PTPRN2: variants seen among roughly 807,000 people sequenced by gnomAD.
PTPRN2 encodes the protein protein tyrosine phosphatase receptor type N2.
A neutral mutation model predicts 118.8 loss-of-function variants in PTPRN2; 74 were observed. The observed-to-expected ratio is 0.62, with a 90% CI of 0.52 to 0.76. PTPRN2 has a LOEUF of 0.76. Ranked by LOEUF, PTPRN2 falls within the 30% of genes least tolerant of loss-of-function variation. The probability of loss-of-function intolerance (pLI) is 0.00; values close to 1 mark genes in which losing one functional copy is unlikely to be tolerated. For synonymous variants in PTPRN2, 641 were observed against 608.0 expected, an observed-to-expected ratio of 1.05 and a Z score of -0.80; for missense variants, 1,481 against 1,394.4, an observed-to-expected ratio of 1.06 and a Z score of -0.99.
intron 11 of PTPRN2, among the ~76,000 whole-genome samples, chr7:158,005,639 G>A (rs2128864039): frequency 1.3e-5 from 2 of 152,326 alleles, no homozygotes; most frequent in South Asian, 4.1e-4. Flanking sequence ...GGTGCAGGGG[G>A]AGGTGCAGGG....
chr7:157,594,569 G>T (rs1485999283), intron 17 of PTPRN2, among the ~76,000 whole-genome samples: 1 of 152,246 alleles, frequency 6.6e-6, no homozygotes. Flanking sequence ...CCAGGCTCGG[G>T]GTTGGCTGGT....
chr7:158,372,516 G>A (rs562265702), intron 2 of PTPRN2, among the ~76,000 whole-genome samples: 5 of 145,692 alleles, frequency 3.4e-5, no homozygotes, highest in East Asian at 2.1e-4. Flanking sequence ...GCTGGTACCC[G>A]GAGCTGGTCC....
intron 11 of PTPRN2, among the ~76,000 whole-genome samples, chr7:157,968,118 G>C (rs371029497): frequency 6.6e-6 from 1 of 152,150 alleles, no homozygotes; most frequent in African/African-American, 2.4e-5. Flanking sequence ...CACTACTCCA[G>C]GATCATTTGT....
chr7:158,299,957 G>A (rs1421837748), intron 3 of PTPRN2, among the ~76,000 whole-genome samples: 1 of 152,152 alleles, frequency 6.6e-6, no homozygotes, highest in African/African-American at 2.4e-5. Context: ...GCCTTTTCCG[G>A]TTAACACCAC....
At chr7:157,836,611 G>GACACACACACAC (rs57654943) in intron 12 of PTPRN2, among the ~76,000 whole-genome samples, 9 of 150,380 alleles carry the variant, frequency 6.0e-5, no homozygotes, top group African/African-American at 2.2e-4. Flanking sequence ...GCAAAATAAA[G>GACACACACACAC]ACACACACAC....
rs761682181 is a variant in PTPRN2 at position 157,787,736 on chromosome 7, C to A, written c.1789-104799G>T. 4.6e-5 allele frequency among the ~76,000 whole-genome samples: 7 copies of A among 152,308 alleles called. No individual in the cohort carries two copies. The highest frequency in any genetic ancestry group is 1.0e-4 in the Non-Finnish European group (7 of 68,016). Reference sequence around the variant, plus strand: ...CCATCTGGGTCCCCTGGGGTGGTGGCTGGGTGAGCCCAGCCCCATCTTTCC... The same window carrying A: ...CCATCTGGGTCCCCTGGGGTGGTGGATGGGTGAGCCCAGCCCCATCTTTCC... On this transcript the variant is annotated intron_variant, in intron 12 of 22. Coordinates refer to ENST00000389418, the MANE Select transcript of PTPRN2 (RefSeq NM_002847.5). This position sits in a 1 kb window ranked among gnomAD's most constrained non-coding sequence, Gnocchi z 5.3.
At chr7:158,079,893 C>T (rs1429682371) in intron 11 of PTPRN2, among the ~76,000 whole-genome samples, 2 of 152,218 alleles carry the variant, frequency 1.3e-5, no homozygotes, top group Admixed American at 1.3e-4. Context: ...CGAGTTGTAC[C>T]CCAGCTCCAC....
Position 158,071,423 on chromosome 7 carries a change from G to T in PTPRN2, c.1723+9875C>A, listed in dbSNP as rs1482521386. Among the ~76,000 whole-genome samples, 39 of 114,626 alleles carry T rather than the reference G, an allele frequency of 3.4e-4. 2 individuals carry two copies. Among genetic ancestry groups the T allele is most frequent in the Non-Finnish European group, 3.9e-4 (21 of 53,652 alleles). 75.2% of individuals were successfully genotyped at this position (114,626 alleles called of 152,430 possible). On this transcript the variant is annotated intron_variant, in intron 11 of 22. Transcript: ENST00000389418. ...TCGTGGTGGAGTTGCTCCTGGTGGT[G>T]GAGGTGCTCGTGGTGGTGGAGGTGC... is the stretch of plus-strand genomic sequence containing the variant.
chr7:157,837,801 T>G (rs1808076403), intron 12 of PTPRN2, among the ~76,000 whole-genome samples: 1 of 152,210 alleles, frequency 6.6e-6, no homozygotes, highest in Non-Finnish European at 1.5e-5. Flanking sequence ...TTGCACCTGT[T>G]AGACACGGAG....
At chr7:158,239,384 G>T (rs949484672) in intron 3 of PTPRN2, among the ~76,000 whole-genome samples, 5 of 152,184 alleles carry the variant, frequency 3.3e-5, no homozygotes, top group Admixed American at 6.5e-5. Context: ...CCCGGAGCTT[G>T]TTCTTTCCTG....
intron 11 of PTPRN2, among the ~76,000 whole-genome samples, chr7:158,058,752 A>C (rs374269386): frequency 1.1e-5 from 1 of 90,596 alleles, no homozygotes; most frequent in African/African-American, 5.7e-5. Context: ...CTACAGCCAC[A>C]CTCCATCTGC....
At position 158,418,100 on chromosome 7, in the gene PTPRN2, C is replaced by A. The variant is rs543419984; in HGVS notation, c.163+71635G>T. Among the ~76,000 whole-genome samples the A allele has an allele frequency of 1.7e-3, 253 of 148,718 alleles. 1 individual carries two copies. The highest frequency in any genetic ancestry group is 6.0e-3 in the African/African-American group (241 of 39,904). ...CTTTCAGTGTCCCACTGTGTTAAGT[C>A]ACGGTGTACTACATCGAGATGCTCC... On this transcript the variant is annotated intron_variant, in intron 2 of 22. Transcript: ENST00000389418.
intron 12 of PTPRN2, among the ~76,000 whole-genome samples, chr7:157,889,224 G>GTA (rs2151302624): frequency 6.6e-6 from 1 of 152,054 alleles, no homozygotes; most frequent in East Asian, 1.9e-4. Context: ...ATGAAGGTCA[G>GTA]ACCCGCCTGG....
chr7:158,344,238 A>C (rs775245505), intron 2 of PTPRN2, among the ~76,000 whole-genome samples: 14 of 152,152 alleles, frequency 9.2e-5, no homozygotes, highest in Admixed American at 4.6e-4. Flanking sequence ...CACAGGCCCC[A>C]AGAAGCCACC....
intron 4 of PTPRN2, among the ~76,000 whole-genome samples, chr7:158,194,561 A>G (rs2150713941): frequency 6.6e-6 from 1 of 152,330 alleles, no homozygotes; most frequent in Non-Finnish European, 1.5e-5. Flanking sequence ...CCCCGGCGTC[A>G]TGCCCCACTG....
intron 14 of PTPRN2, among the ~76,000 whole-genome samples, chr7:157,639,361 C>T (rs1249919362): frequency 6.6e-6 from 1 of 152,162 alleles, no homozygotes; most frequent in African/African-American, 2.4e-5. Flanking sequence ...GGAGAACACA[C>T]AGTTGGTTCT....
At chr7:157,839,731 T>G (rs1403939548) in intron 12 of PTPRN2, among the ~76,000 whole-genome samples, 2 of 151,698 alleles carry the variant, frequency 1.3e-5, no homozygotes, top group East Asian at 3.9e-4. Flanking sequence ...ACTGTGTGAC[T>G]GTGTGGCTGT....
intron 10 of PTPRN2, among the ~76,000 whole-genome samples, chr7:158,102,870 A>G (rs1563437681): frequency 1.3e-5 from 2 of 152,182 alleles, no homozygotes; most frequent in African/African-American, 4.8e-5. Flanking sequence ...TCTGGGGGCC[A>G]CGGTGCAGGG....
At chr7:158,242,461 A>T (rs1795956229) in intron 3 of PTPRN2, among the ~76,000 whole-genome samples, 1 of 152,206 alleles carries the variant, frequency 6.6e-6, no homozygotes, top group Admixed American at 6.5e-5. Context: ...TTCAGAAAAC[A>T]TCTGTGTTCG....
Sources: allele counts gnomAD v4.1 joint callset (sites outside exome capture counted in the v4.1 genomes callset), GRCh38; gene constraint gnomAD v4.1.1; non-coding constraint Gnocchi (gnomAD v3.1); transcripts MANE v1.5; gene names NCBI Gene and HGNC (gene_info 2026-07-23, HGNC 2026-07-21).